Variants in CACNA1I observed in about 807,000 individuals in gnomAD.
CACNA1I encodes the protein calcium voltage-gated channel subunit alpha1 I.
CACNA1I carries 74 observed loss-of-function variants against 201.6 expected under a neutral mutation model. The observed-to-expected ratio is 0.37, with a 90% CI of 0.30 to 0.45. The LOEUF (loss-of-function observed/expected upper bound fraction) is 0.45. Ranked by LOEUF, CACNA1I falls within the 20% of genes least tolerant of loss-of-function variation. The probability of loss-of-function intolerance (pLI) is 1.00; values close to 1 mark genes in which losing one functional copy is unlikely to be tolerated. For missense variants in CACNA1I, 2,346 were observed against 3,138.1 expected (o/e 0.75, Z 6.03); for synonymous variants, 1,431 against 1,345.2 (o/e 1.06, Z -1.40).
At chr22:39,610,127 C>T (rs1289823812) in intron 3 of CACNA1I, among the ~76,000 whole-genome samples, 1 of 152,156 alleles carries the variant, frequency 6.6e-6, no homozygotes, top group South Asian at 2.1e-4. Flanking sequence ...GCCCAGGGGA[C>T]CCTTCTGGTT....
At chr22:39,680,197 T>C (rs535648094) in intron 33 of CACNA1I, among the ~76,000 whole-genome samples, 7 of 152,140 alleles carry the variant, frequency 4.6e-5, no homozygotes, top group Non-Finnish European at 1.0e-4. Flanking sequence ...TTCTGTGACA[T>C]GAGGGGTCAT....
At chr22:39,625,634 C>A (rs1390047084) in intron 4 of CACNA1I, among the ~76,000 whole-genome samples, 1 of 151,938 alleles carries the variant, frequency 6.6e-6, no homozygotes, top group South Asian at 2.1e-4. Context: ...CCCACCCCTG[C>A]AGGTCCTTGT....
chr22:39,587,967 G>A (rs937418678), intron 1 of CACNA1I, among the ~76,000 whole-genome samples: 14 of 151,908 alleles, frequency 9.2e-5, no homozygotes, highest in African/African-American at 3.4e-4. Flanking sequence ...GTAGAGACAG[G>A]GTTTCACCAT....
At chr22:39,605,322 G>T (rs994313769) in intron 3 of CACNA1I, among the ~76,000 whole-genome samples, 3 of 152,072 alleles carry the variant, frequency 2.0e-5, no homozygotes, top group African/African-American at 7.2e-5. Context: ...CTGAGACTGG[G>T]GCCTGCCTCT....
chr22:39,601,036 C>T (rs1045580703), intron 3 of CACNA1I, among the ~76,000 whole-genome samples: 2 of 152,154 alleles, frequency 1.3e-5, no homozygotes, highest in African/African-American at 4.8e-5. Flanking sequence ...CGCCAGAGAC[C>T]GAGCACAGAC....
intron 10 of CACNA1I, 95 bp from the exon 11 acceptor site, chr22:39,658,057 G>A: frequency 7.4e-7 from 1 of 1,353,440 alleles, no homozygotes; most frequent in Non-Finnish European, 1.0e-6. Context: ...ACACCGACCT[G>A]CCAGGGTCAC....
chr22:39,624,414 G>T (rs553604464), intron 4 of CACNA1I, among the ~76,000 whole-genome samples: 2 of 152,312 alleles, frequency 1.3e-5, no homozygotes, highest in East Asian at 3.9e-4. Flanking sequence ...CTCCGAGCGG[G>T]CTCCGAGCCT....
intron 14 of CACNA1I, 132 bp from the exon 15 acceptor site, chr22:39,660,212 T>C: frequency 1.5e-6 from 1 of 657,320 alleles, no homozygotes; most frequent in South Asian, 2.0e-5. Flanking sequence ...TAGCATCTCA[T>C]TTCCCTTTTC....
intron 4 of CACNA1I, among the ~76,000 whole-genome samples, chr22:39,626,804 C>T (rs546218539): frequency 6.6e-6 from 1 of 152,248 alleles, no homozygotes; most frequent in African/African-American, 2.4e-5. Context: ...ACCATGTTGG[C>T]CAGGATGGTC....
chr22:39,592,304 G>C (rs1418678896), intron 1 of CACNA1I, among the ~76,000 whole-genome samples: 1 of 152,220 alleles, frequency 6.6e-6, no homozygotes, highest in South Asian at 2.1e-4. Flanking sequence ...TGGCTGTGCC[G>C]AGTGTGTGGG....
At position 39,677,319 on chromosome 22, in the gene CACNA1I, G is replaced by C; in HGVS notation, c.4855-22G>C. On this transcript the variant is annotated intron_variant, in intron 29 of 36. Transcript: ENST00000402142. This position sits in a 1 kb window ranked among gnomAD's most constrained non-coding sequence, Gnocchi z 4.8. The stretch of plus-strand genomic sequence containing the variant: ...CCCCACCCGCTCCCCAGCCCCACCC[G>C]GCCTCACCTGTCCTCCCGCAGGTGG... 1 of 1,455,946 alleles carries C rather than the reference G, an allele frequency of 6.9e-7. No individual in the cohort carries two copies. Among genetic ancestry groups the C allele is most frequent in the Non-Finnish European group, 9.3e-7 (1 of 1,071,410 alleles). 90.2% of individuals were successfully genotyped at this position (1,455,946 alleles called of 1,614,324 possible).
intron 29 of CACNA1I, among the ~76,000 whole-genome samples, chr22:39,674,668 C>A (rs984863200): frequency 2.0e-5 from 3 of 152,148 alleles, no homozygotes; most frequent in African/African-American, 7.2e-5. Flanking sequence ...CCTTCCCTCC[C>A]CCGCTGTCTT....
chr22:39,591,318 C>T (rs939234175), intron 1 of CACNA1I, among the ~76,000 whole-genome samples: 6 of 151,424 alleles, frequency 4.0e-5, no homozygotes, highest in Admixed American at 6.6e-5. Flanking sequence ...CCCGCCACCA[C>T]GCCCAGTTAA....
At position 39,659,189 on chromosome 22, in the gene CACNA1I, C is replaced by A; in HGVS notation, c.2330+73C>A. The A allele has an allele frequency of 1.3e-6, 2 of 1,567,008 alleles. No homozygotes were observed. Among genetic ancestry groups the A allele is most frequent in the Non-Finnish European group, 1.7e-6 (2 of 1,153,686 alleles). On this transcript the variant is annotated intron_variant, in intron 12 of 36. Coordinates refer to ENST00000402142, the MANE Select transcript of CACNA1I (RefSeq NM_021096.4). The surrounding 1 kb of genome is among the most constrained non-coding windows in gnomAD (Gnocchi z 4.3). ...TGGGCGGGAGCCTGGGGGATGTGGT[C>A]CACTGTGCTTCTCTGGACAAAGCCA...
intron 3 of CACNA1I, among the ~76,000 whole-genome samples, chr22:39,606,990 A>G (rs1339210850): frequency 2.0e-5 from 3 of 152,062 alleles, no homozygotes; most frequent in Non-Finnish European, 2.9e-5. Context: ...TCCTCCCCCA[A>G]CCAGAAACAA....
Position 39,677,885 on chromosome 22 carries a change from G to A in CACNA1I, c.4934-102G>A. Reference sequence around the variant, plus strand: ...GGGCACAGTCTGCAGGCCCCTCCTAGGGTGTGATGAGGGTTCTGAGGCGAG... The same window carrying A: ...GGGCACAGTCTGCAGGCCCCTCCTAAGGTGTGATGAGGGTTCTGAGGCGAG... On this transcript the variant is annotated intron_variant, in intron 30 of 36. Transcript: ENST00000402142. This position sits in a 1 kb window ranked among gnomAD's most constrained non-coding sequence, Gnocchi z 4.8. 2.3e-6 allele frequency: 3 copies of A among 1,326,684 alleles called. No homozygotes were observed. In the South Asian group the frequency reaches 4.3e-5, roughly 19 times the overall value. The allele number at this position is 1,326,684 out of a possible 1,614,324, so 82.2% of individuals were successfully genotyped here. A position where few individuals can be genotyped will look rare whatever the true frequency, so the allele number is the denominator to read the frequency against.
chr22:39,639,213 A>G (rs1217185331), intron 5 of CACNA1I, among the ~76,000 whole-genome samples: 1 of 152,248 alleles, frequency 6.6e-6, no homozygotes, highest in Admixed American at 6.5e-5. Flanking sequence ...GACAGAGGCC[A>G]TGTGCTCTGC....
chr22:39,682,629 T>A lies in CACNA1I; in HGVS notation c.5798T>A (p.Val1933Asp), dbSNP rs769160062. ...CEMEEIPFNP[V>D]RSWLKHDSSQ... is the part of the protein sequence containing the mutation. ...ATGGAGGAGATCCCATTCAACCCTG[T>A]CCGGTCCTGGCTGAAACATGACAGC... Residue 1933 changes from valine (V) to aspartate (D), a missense_variant, in exon 35 of 37, where the codon GTC becomes GAC. This residue lies in a region of CACNA1I where 441 missense variants were observed against 555.6 expected (regional missense o/e 0.79). Transcript: ENST00000402142. 6.2e-7 allele frequency: 1 copy of A among 1,613,366 alleles called. No individual in the cohort carries two copies. Among genetic ancestry groups the A allele is most frequent in the Non-Finnish European group, 8.5e-7 (1 of 1,179,836 alleles).
chr22:39,628,467 C>T (rs1040033760), intron 4 of CACNA1I, among the ~76,000 whole-genome samples: 13 of 152,070 alleles, frequency 8.5e-5, no homozygotes, highest in Admixed American at 6.5e-5. Flanking sequence ...GTGAGACAGC[C>T]GGGCCAGCCC....
Sources: allele counts gnomAD v4.1 joint callset (sites outside exome capture counted in the v4.1 genomes callset), GRCh38; gene constraint gnomAD v4.1.1; regional missense constraint gnomAD v4.1.1; non-coding constraint Gnocchi (gnomAD v3.1); transcripts MANE v1.5; gene names NCBI Gene and HGNC (gene_info 2026-07-23, HGNC 2026-07-21).